The following SKIL variants were observed in gnomAD, a reference collection of about 807,000 sequenced individuals.
SKIL encodes ski-like protein.
In SKIL, 20 loss-of-function variants were observed where a neutral mutation model predicts 69.6. That is an observed-to-expected ratio of 0.29 (90% CI 0.20 to 0.42). The LOEUF (loss-of-function observed/expected upper bound fraction) is 0.42. Ranked by LOEUF, SKIL falls within the 10% of genes least tolerant of loss-of-function variation. The pLI, the probability that SKIL is intolerant of heterozygous loss-of-function variation, is 1.00. For missense variants in SKIL, 745 were observed against 783.1 expected, an observed-to-expected ratio of 0.95 and a Z score of 0.58; for synonymous variants, 310 against 279.9, an observed-to-expected ratio of 1.11 and a Z score of -1.08.
chr3:170,376,791 G>A (rs995321521), intron 2 of SKIL, among the ~76,000 whole-genome samples: 1 of 151,906 alleles, frequency 6.6e-6, no homozygotes, highest in Non-Finnish European at 1.5e-5. Flanking sequence ...GCCCAGGCCA[G>A]TCTCAAACTC....
chr3:170,377,698 G>C (rs1405764823), intron 2 of SKIL, among the ~76,000 whole-genome samples: 1 of 143,602 alleles, frequency 7.0e-6, no homozygotes, highest in Non-Finnish European at 1.5e-5. Flanking sequence ...ACAGGCGCCT[G>C]CTGCCGCACC....
At chr3:170,367,909 T>A (rs560053967) in intron 2 of SKIL, among the ~76,000 whole-genome samples, 9 of 152,266 alleles carry the variant, frequency 5.9e-5, no homozygotes, top group African/African-American at 1.4e-4. Context: ...ACTTAAAAAA[T>A]TTTTTTTCCC....
intron 2 of SKIL, among the ~76,000 whole-genome samples, chr3:170,371,238 C>T (rs540879691): frequency 3.3e-5 from 5 of 152,138 alleles, no homozygotes; most frequent in Non-Finnish European, 7.4e-5. Context: ...CGGTGGCTAA[C>T]GCCTGTAATC....
chr3:170,379,181 T>A (rs944493915), intron 2 of SKIL, among the ~76,000 whole-genome samples: 1 of 152,142 alleles, frequency 6.6e-6, no homozygotes, highest in African/African-American at 2.4e-5. Context: ...GGTTTCGCTA[T>A]GTTGGCCAGG....
chr3:170,358,316 C>T (rs934710496), intron 1 of SKIL, among the ~76,000 whole-genome samples: 1 of 151,768 alleles, frequency 6.6e-6, no homozygotes, highest in Admixed American at 6.6e-5. Flanking sequence ...TCCCGCGGCC[C>T]CCGCGGGGGG....
rs1428539355 is a variant in SKIL at position 170,394,956 on chromosome 3, T to G, written c.*2539T>G. ...TTAAAGTTTGATTTGTTGTTACTCTTTGTGTGCCAAATTCACTAGGCAAGC... is the reference window on the plus strand; with the variant it reads ...TTAAAGTTTGATTTGTTGTTACTCTGTGTGTGCCAAATTCACTAGGCAAGC... On this transcript the variant is annotated 3_prime_UTR_variant, in exon 7 of 7. Transcript: ENST00000259119. 1.3e-5 allele frequency: 2 copies of G among 152,144 alleles called. No individual in the cohort carries two copies. The highest frequency in any genetic ancestry group is 2.9e-5 in the Non-Finnish European group (2 of 67,994). The allele number at this position is 152,144 out of a possible 1,614,324, so 9.4% of individuals were successfully genotyped here. A position where few individuals can be genotyped will look rare whatever the true frequency, so the allele number is the denominator to read the frequency against.
intron 2 of SKIL, among the ~76,000 whole-genome samples, chr3:170,374,572 T>C (rs1293268014): frequency 6.6e-6 from 1 of 152,260 alleles, no homozygotes; most frequent in Non-Finnish European, 1.5e-5. Context: ...GTAGCATTAC[T>C]GCTGAACCAT....
intron 4 of SKIL, among the ~76,000 whole-genome samples, chr3:170,386,023 C>T (rs1737612456): frequency 2.0e-5 from 3 of 151,722 alleles, no homozygotes; most frequent in Non-Finnish European, 2.9e-5. Flanking sequence ...AACTCCTGAC[C>T]TCAGGTGATC....
At chr3:170,366,981 GA>G (rs983500587) in intron 2 of SKIL, among the ~76,000 whole-genome samples, 21 of 152,094 alleles carry the variant, frequency 1.4e-4, no homozygotes, top group East Asian at 3.9e-4. Context: ...ACGTTTGTAT[GA>G]AAAAAAGATC....
intron 2 of SKIL, among the ~76,000 whole-genome samples, chr3:170,375,476 A>G (rs1168129838): frequency 1.3e-5 from 2 of 152,218 alleles, no homozygotes; most frequent in Non-Finnish European, 2.9e-5. Context: ...TCTTTGAGCA[A>G]ATTTAGAATT....
chr3:170,393,538 A>T lies in SKIL; in HGVS notation c.*1121A>T, dbSNP rs1251551922. On this transcript the variant is annotated 3_prime_UTR_variant, in exon 7 of 7. Coordinates refer to ENST00000259119, the MANE Select transcript of SKIL (RefSeq NM_005414.5). ...GATTTTTAGATAAGTTTTAGAAGAT[A>T]AAGGAATTCCATAGTTTCAGGAGGG... is the stretch of plus-strand genomic sequence containing the variant. 6.6e-6 allele frequency: 1 copy of T among 152,196 alleles called. No homozygotes were observed. The highest frequency in any genetic ancestry group is 1.5e-5 in the Non-Finnish European group (1 of 68,014). 9.4% of individuals were successfully genotyped at this position (152,196 alleles called of 1,614,324 possible).
intron 2 of SKIL, among the ~76,000 whole-genome samples, chr3:170,362,388 A>C (rs1039811746): frequency 6.6e-6 from 1 of 152,058 alleles, no homozygotes; most frequent in Non-Finnish European, 1.5e-5. Flanking sequence ...TTGTAATCCC[A>C]GCTACTCAGG....
Position 170,360,623 on chromosome 3 carries a change from C to G in SKIL, c.292C>G (p.Gln98Glu). The G allele has an allele frequency of 6.2e-7, 1 of 1,614,178 alleles. No individual in the cohort carries two copies. The highest frequency in any genetic ancestry group is 8.5e-7 in the Non-Finnish European group (1 of 1,180,028). ...ATTGGCACAATTCCATTTAAGTAGTCAGAGCTCGCTGGGTGGACCAGCAGC... is the reference window on the plus strand; with the variant it reads ...ATTGGCACAATTCCATTTAAGTAGTGAGAGCTCGCTGGGTGGACCAGCAGC... ...HTLAQFHLSS[Q>E]SSLGGPAAFS... The change falls in exon 2 of 7, where the codon CAG becomes GAG. Residue 98 changes from glutamine (Q) to glutamate (E), a missense_variant. Physicochemically the swap from Gln to Glu is conservative, Grantham distance 29 (BLOSUM62 2). Coordinates refer to ENST00000259119, the MANE Select transcript of SKIL (RefSeq NM_005414.5).
At position 170,381,425 on chromosome 3, in the gene SKIL, ATTTAATTAT is replaced by A. The variant is rs1315386908; in HGVS notation, c.1196+87_1196+95del. ...CCATGCACTATTCTAGGACATGGGAATTTAATTATTTATTTATTTTTTTTGGTGGCAGAG... is the reference window on the plus strand; with the variant it reads ...CCATGCACTATTCTAGGACATGGGAATTATTTATTTTTTTTGGTGGCAGAG... On this transcript the variant is annotated intron_variant, in intron 3 of 6. Transcript: ENST00000259119. 9.7e-6 allele frequency: 7 copies of A among 720,798 alleles called. 1 individual carries two copies. Among genetic ancestry groups the A allele is most frequent in the South Asian group, 3.1e-5 (2 of 65,414 alleles). 44.7% of individuals were successfully genotyped at this position (720,798 alleles called of 1,614,324 possible). A position where few individuals can be genotyped will look rare whatever the true frequency, so the allele number is the denominator to read the frequency against.
Position 170,360,131 on chromosome 3 carries a change from A to G in SKIL, c.-201A>G, listed in dbSNP as rs938024310. 4 of 487,414 alleles carry G rather than the reference A, an allele frequency of 8.2e-6. No homozygotes were observed. The highest frequency in any genetic ancestry group is 4.2e-5 in the South Asian group (1 of 23,882). 30.2% of individuals were successfully genotyped at this position (487,414 alleles called of 1,614,324 possible). ...GAGGCAAAACGAACAATTTTATAGGATTTGTAGTGAAATTATACCAGATTA... is the reference window on the plus strand; with the variant it reads ...GAGGCAAAACGAACAATTTTATAGGGTTTGTAGTGAAATTATACCAGATTA... On this transcript the variant is annotated 5_prime_UTR_variant, in exon 2 of 7. Coordinates refer to ENST00000259119, the MANE Select transcript of SKIL (RefSeq NM_005414.5).
intron 3 of SKIL, among the ~76,000 whole-genome samples, chr3:170,382,131 G>C (rs1352431589): frequency 2.0e-5 from 3 of 152,018 alleles, no homozygotes; most frequent in Non-Finnish European, 4.4e-5. Flanking sequence ...AAGTACATTG[G>C]TATTTAATGT....
intron 2 of SKIL, among the ~76,000 whole-genome samples, chr3:170,369,600 C>A (rs1736700946): frequency 6.6e-6 from 1 of 152,076 alleles, no homozygotes; most frequent in Admixed American, 6.6e-5. Flanking sequence ...TGTGGTTTCA[C>A]CATATTGGTC....
intron 3 of SKIL, among the ~76,000 whole-genome samples, chr3:170,383,067 T>C (rs779894452): frequency 6.6e-5 from 10 of 152,206 alleles, no homozygotes; most frequent in Admixed American, 6.5e-5. Flanking sequence ...CTAAGAGCTT[T>C]CTTAATAACC....
intron 2 of SKIL, among the ~76,000 whole-genome samples, chr3:170,373,026 C>T (rs1477941378): frequency 2.2e-5 from 3 of 135,972 alleles, no homozygotes; most frequent in Non-Finnish European, 3.1e-5. Context: ...CTCACTCTGT[C>T]GCCCAGGCTG....
Sources: gnomAD v4.1 joint callset for allele counts (sites outside exome capture counted in the v4.1 genomes callset) on GRCh38, gnomAD v4.1.1 for gene constraint, MANE v1.5 for transcripts, NCBI Gene and HGNC (gene_info 2026-07-23, HGNC 2026-07-21) for gene names.